The following GABRB2 variants were observed in gnomAD, a reference collection of about 807,000 sequenced individuals.
The protein encoded by GABRB2 is gamma-aminobutyric acid receptor subunit beta-2.
GABRB2 carries 16 observed loss-of-function variants against 54.7 expected under a neutral mutation model. The observed-to-expected ratio is 0.29, with a 90% CI of 0.20 to 0.44. The LOEUF is 0.44. Among genes scored for constraint, GABRB2 ranks in the 20% least tolerant of loss-of-function variants. GABRB2 has a pLI of 1.00. For synonymous variants in GABRB2, 244 were observed against 233.8 expected (o/e 1.04, Z -0.40); for missense variants, 355 against 644.0 (o/e 0.55, Z 4.86).
intron 3 of GABRB2, among the ~76,000 whole-genome samples, chr5:161,493,922 C>A (rs574718327): frequency 1.3e-5 from 2 of 151,828 alleles, no homozygotes; most frequent in South Asian, 4.1e-4. Flanking sequence ...TTATAAAACT[C>A]TTACTTGATG....
At chr5:161,503,117 C>T (rs1036783005) in intron 3 of GABRB2, among the ~76,000 whole-genome samples, 14 of 149,852 alleles carry the variant, frequency 9.3e-5, no homozygotes, top group African/African-American at 2.9e-4. Flanking sequence ...GATCAAGAGG[C>T]GATTGTTGTT....
intron 7 of GABRB2, 101 bp downstream of exon 7, chr5:161,334,651 C>A (rs751803857): frequency 4.2e-6 from 5 of 1,190,602 alleles, no homozygotes; most frequent in Admixed American, 2.1e-5. Flanking sequence ...GGTTCAGTTG[C>A]GTCATGCACC....
At chr5:161,540,878 ACT>A (rs1423529637) in intron 3 of GABRB2, among the ~76,000 whole-genome samples, 1 of 151,880 alleles carries the variant, frequency 6.6e-6, no homozygotes, top group African/African-American at 2.4e-5. Flanking sequence ...ACAAGTTCTC[ACT>A]CTGTCACCCA....
intron 3 of GABRB2, among the ~76,000 whole-genome samples, chr5:161,510,204 T>C (rs533329730): frequency 2.6e-5 from 4 of 151,994 alleles, no homozygotes; most frequent in African/African-American, 7.2e-5. Flanking sequence ...TGCTATCAAA[T>C]AGTATGTCTT....
rs544960110 is a variant in GABRB2, at chr5:161,447,268, G to A, written c.458+12356C>T. Among the ~76,000 whole-genome samples the A allele has an allele frequency of 1.3e-3, 191 of 152,230 alleles. 1 individual carries two copies. The highest frequency in any genetic ancestry group is 4.5e-3 in the African/African-American group (185 of 41,536). On this transcript the variant is annotated intron_variant, in intron 4 of 9. Transcript: ENST00000393959. The stretch of plus-strand genomic sequence containing the variant: ...CCACAACCCATACTCTTAACACATT[G>A]CAATACTGCTATTCTAAGTTTTGTG...
intron 5 of GABRB2, among the ~76,000 whole-genome samples, chr5:161,384,664 T>C (rs1755569678): frequency 2.0e-5 from 3 of 152,190 alleles, no homozygotes; most frequent in African/African-American, 7.2e-5. Context: ...GGACAGTTAG[T>C]ATTACTGAGG....
intron 4 of GABRB2, among the ~76,000 whole-genome samples, chr5:161,453,907 G>A (rs1220288660): frequency 1.3e-5 from 2 of 151,618 alleles, no homozygotes; most frequent in African/African-American, 2.4e-5. Context: ...GTGTGGTGGT[G>A]AGCACCTGTA....
At chr5:161,387,385 T>C (rs1244375346) in intron 5 of GABRB2, among the ~76,000 whole-genome samples, 1 of 152,202 alleles carries the variant, frequency 6.6e-6, no homozygotes, top group African/African-American at 2.4e-5. Context: ...TGAAGCATTC[T>C]GCAGCCTGGT....
chr5:161,445,853 G>A (rs1304973868), intron 4 of GABRB2, among the ~76,000 whole-genome samples: 1 of 152,080 alleles, frequency 6.6e-6, no homozygotes, highest in Non-Finnish European at 1.5e-5. Flanking sequence ...AAACCAAATA[G>A]TGTCTTGACC....
chr5:161,516,961 G>T (rs1206949940), intron 3 of GABRB2, among the ~76,000 whole-genome samples: 1 of 152,104 alleles, frequency 6.6e-6, no homozygotes, highest in African/African-American at 2.4e-5. Flanking sequence ...CTTTACTTCA[G>T]AGAGTTAGCA....
chr5:161,426,087 GTGTT>G (rs1580975600), intron 4 of GABRB2, among the ~76,000 whole-genome samples: 2 of 152,218 alleles, frequency 1.3e-5, no homozygotes, highest in East Asian at 3.9e-4. Flanking sequence ...TGGGAGCACA[GTGTT>G]AGGTAAAGGA....
intron 5 of GABRB2, among the ~76,000 whole-genome samples, chr5:161,368,460 T>G (rs1175258098): frequency 1.3e-5 from 2 of 152,198 alleles, no homozygotes; most frequent in Non-Finnish European, 2.9e-5. Context: ...CAATTGTTTC[T>G]CAAATCCTAG....
At chr5:161,344,552 C>T (rs936424244) in intron 5 of GABRB2, among the ~76,000 whole-genome samples, 1 of 151,806 alleles carries the variant, frequency 6.6e-6, no homozygotes, top group Non-Finnish European at 1.5e-5. Context: ...ACAACAGATG[C>T]TGGTGGGGCT....
chr5:161,543,086 A>T (rs1215370350), intron 3 of GABRB2, among the ~76,000 whole-genome samples: 2 of 152,258 alleles, frequency 1.3e-5, no homozygotes, highest in African/African-American at 2.4e-5. Context: ...AAGGCTAAGT[A>T]AGGAATCTGG....
chr5:161,405,973 A>G (rs1419815345), intron 5 of GABRB2, among the ~76,000 whole-genome samples: 3 of 152,110 alleles, frequency 2.0e-5, no homozygotes, highest in Non-Finnish European at 2.9e-5. Context: ...CAACAGGCAC[A>G]TTTCTATCTT....
At chr5:161,318,706 T>C (rs1247921210) in intron 9 of GABRB2, among the ~76,000 whole-genome samples, 1 of 151,970 alleles carries the variant, frequency 6.6e-6, no homozygotes, top group East Asian at 1.9e-4. Context: ...AACTTTAGAG[T>C]TATTGGGTCA....
At chr5:161,381,645 C>T (rs1465110107) in intron 5 of GABRB2, among the ~76,000 whole-genome samples, 1 of 152,098 alleles carries the variant, frequency 6.6e-6, no homozygotes, top group Non-Finnish European at 1.5e-5. Context: ...ATGTCTCTGC[C>T]ACTTGGAGGC....
At chr5:161,361,005 G>A (rs890894236) in intron 5 of GABRB2, among the ~76,000 whole-genome samples, 7 of 151,368 alleles carry the variant, frequency 4.6e-5, no homozygotes, top group Non-Finnish European at 8.8e-5. Flanking sequence ...GTGAGACCCC[G>A]TCTCTAATAA....
chr5:161,411,830 A>G (rs1450884124), intron 4 of GABRB2, among the ~76,000 whole-genome samples: 1 of 151,936 alleles, frequency 6.6e-6, no homozygotes, highest in Non-Finnish European at 1.5e-5. Context: ...ATATATATAT[A>G]TGAGTTATCA....
Sources: gnomAD v4.1 joint callset for allele counts (sites outside exome capture counted in the v4.1 genomes callset) on GRCh38, gnomAD v4.1.1 for gene constraint, MANE v1.5 for transcripts, NCBI Gene and HGNC (gene_info 2026-07-23, HGNC 2026-07-21) for gene names.